GPC3: variants seen among roughly 807,000 people sequenced by gnomAD.
The protein encoded by GPC3 is glypican 3, also known as glypican-3.
GPC3 carries 3 observed loss-of-function variants against 34.4 expected under a neutral mutation model. The ratio of observed to expected loss-of-function variants is 0.09; its 90% CI spans 0.04 to 0.23. GPC3 has a LOEUF of 0.23. Among genes scored for constraint, GPC3 ranks in the 10% least tolerant of loss-of-function variants. The pLI is 1.00. For synonymous variants in GPC3, 177 were observed against 174.0 expected, an observed-to-expected ratio of 1.02 and a Z score of -0.13; for missense variants, 351 against 445.6, an observed-to-expected ratio of 0.79 and a Z score of 1.91.
At chrX:133,804,052 ACAAAT>A (rs1461287950) in intron 2 of GPC3, among the ~76,000 whole-genome samples, 3 of 110,602 alleles carry the variant, frequency 2.7e-5, no homozygotes, top group African/African-American at 9.9e-5. Context: ...TAATGGACAA[ACAAAT>A]CAAATCCAGA....
intron 5 of GPC3, among the ~76,000 whole-genome samples, chrX:133,686,167 C>A (rs969141904): frequency 1.8e-5 from 2 of 111,549 alleles, no homozygotes; most frequent in Non-Finnish European, 3.8e-5. Flanking sequence ...TGACTACAAA[C>A]AGAAGGCTGA....
At position 133,616,647 on chromosome X, in the gene GPC3, T is replaced by C. The variant is rs931328752; in HGVS notation, c.1414-20048A>G. Among the ~76,000 whole-genome samples the C allele has an allele frequency of 3.6e-5, 4 of 109,966 alleles. No individual in the cohort carries two copies. In the East Asian group the frequency reaches 1.1e-3, roughly 31 times the overall value. ...ATGTACTGTACTTAGTTCAGGGAGGTCTTGGAATAATGACAGATCAGTGGA... is the reference window on the plus strand; with the variant it reads ...ATGTACTGTACTTAGTTCAGGGAGGCCTTGGAATAATGACAGATCAGTGGA... On this transcript the variant is annotated intron_variant, in intron 6 of 7. Coordinates refer to ENST00000370818, the MANE Select transcript of GPC3 (RefSeq NM_004484.4).
At chrX:133,563,375 G>T (rs989988909) in intron 7 of GPC3, among the ~76,000 whole-genome samples, 1 of 111,294 alleles carries the variant, frequency 9.0e-6, no homozygotes, top group African/African-American at 3.3e-5. Flanking sequence ...GAGCTGTTTT[G>T]TTGAATTCAA....
chrX:133,691,045 C>A (rs757993826), intron 5 of GPC3, among the ~76,000 whole-genome samples: 3 of 111,847 alleles, frequency 2.7e-5, no homozygotes, highest in African/African-American at 9.7e-5. Flanking sequence ...GAAAGCTCTG[C>A]GAGGACAGGA....
intron 1 of GPC3, 138 bp downstream of exon 1, chrX:133,985,137 G>A (rs1029423047): frequency 1.1e-4 from 66 of 627,301 alleles, no homozygotes; most frequent in Middle Eastern, 4.9e-4. Flanking sequence ...CAGGCCCCAG[G>A]CACACCGACC....
intron 3 of GPC3, among the ~76,000 whole-genome samples, chrX:133,751,950 G>A (rs1226131693): frequency 1.1e-4 from 12 of 111,467 alleles, no homozygotes; most frequent in Non-Finnish European, 2.3e-4. Flanking sequence ...GTGCAGTCAC[G>A]TGATCATGGC....
chrX:133,902,583 C>T (rs995294108), intron 2 of GPC3, among the ~76,000 whole-genome samples: 6 of 111,128 alleles, frequency 5.4e-5, no homozygotes, highest in Non-Finnish European at 1.1e-4. Context: ...ACTAGCCAGG[C>T]GTGGTGGTGC....
intron 5 of GPC3, among the ~76,000 whole-genome samples, chrX:133,686,768 AACACACACAC>A (rs762283767): frequency 5.1e-5 from 5 of 98,035 alleles, no homozygotes; most frequent in African/African-American, 1.5e-4. Flanking sequence ...ATTTTACCTC[AACACACACAC>A]ACACACACAC....
chrX:133,936,209 T>TATAATAATA (rs58972441), intron 2 of GPC3, among the ~76,000 whole-genome samples: 61 of 99,447 alleles, frequency 6.1e-4, no homozygotes, highest in African/African-American at 1.9e-3. Context: ...AAACTTAAAG[T>TATAATAATA]ATAATAATAA....
At chrX:133,901,417 TTTA>T (rs748195431) in intron 2 of GPC3, among the ~76,000 whole-genome samples, 27 of 111,016 alleles carry the variant, frequency 2.4e-4, no homozygotes, top group Non-Finnish European at 1.1e-4. Flanking sequence ...GTCTCTGGAT[TTTA>T]TTATTATTAT....
In GPC3 at chrX:133,876,564, C is replaced by A. The variant is rs956228255; in HGVS notation, c.337+76486G>T. ...ATTCTCTAAGGCAAAGAGCAAGAGG[C>A]CTTTAGCAGAGTCCAGACAGGGCTC... On this transcript the variant is annotated intron_variant, in intron 2 of 7. Coordinates refer to ENST00000370818, the MANE Select transcript of GPC3 (RefSeq NM_004484.4). Among the ~76,000 whole-genome samples, 38 of 112,358 alleles carry A rather than the reference C, an allele frequency of 3.4e-4. 1 individual carries two copies. Among genetic ancestry groups the A allele is most frequent in the African/African-American group, 1.2e-3 (37 of 30,934 alleles).
intron 6 of GPC3, among the ~76,000 whole-genome samples, chrX:133,657,962 AT>A (rs2070682353): frequency 9.1e-6 from 1 of 110,090 alleles, no homozygotes; most frequent in South Asian, 4.0e-4. Context: ...ATTTATAAAT[AT>A]GTATGTTGGA....
At chrX:133,948,409 C>T (rs747089718) in intron 2 of GPC3, among the ~76,000 whole-genome samples, 1 of 110,530 alleles carries the variant, frequency 9.0e-6, no homozygotes, top group South Asian at 4.0e-4. Flanking sequence ...AGAGAAACAA[C>T]AGAAGAAGCA....
At chrX:133,794,501 G>A (rs918146745) in intron 2 of GPC3, among the ~76,000 whole-genome samples, 5 of 111,748 alleles carry the variant, frequency 4.5e-5, no homozygotes, top group Non-Finnish European at 7.5e-5. Context: ...AGCCTCAAAG[G>A]CACACATTTG....
At chrX:133,634,538 T>C (rs1053931264) in intron 6 of GPC3, among the ~76,000 whole-genome samples, 1 of 112,287 alleles carries the variant, frequency 8.9e-6, no homozygotes, top group Non-Finnish European at 1.9e-5. Flanking sequence ...ACAGCACAGA[T>C]TAACCTGAAA....
intron 7 of GPC3, among the ~76,000 whole-genome samples, chrX:133,585,262 C>G (rs758977092): frequency 8.9e-6 from 1 of 111,841 alleles, no homozygotes; most frequent in African/African-American, 3.3e-5. Context: ...ACAGCACATG[C>G]GTGCACATGT....
At chrX:133,983,846 G>A (rs1277499811) in intron 1 of GPC3, among the ~76,000 whole-genome samples, 1 of 111,967 alleles carries the variant, frequency 8.9e-6, no homozygotes, top group African/African-American at 3.2e-5. Flanking sequence ...CTTAACAGGG[G>A]ATGAGGTAGT....
intron 2 of GPC3, among the ~76,000 whole-genome samples, chrX:133,915,359 G>C (rs1368014772): frequency 1.8e-5 from 2 of 110,200 alleles, no homozygotes; most frequent in Non-Finnish European, 3.8e-5. Flanking sequence ...ATTCTTAGTA[G>C]AGACAGGGTT....
chrX:133,626,390 G>T (rs985808381), intron 6 of GPC3, among the ~76,000 whole-genome samples: 8 of 110,611 alleles, frequency 7.2e-5, no homozygotes, highest in African/African-American at 2.6e-4. Flanking sequence ...CTACAGAATG[G>T]GAGAAAATTT....
Sources: gnomAD v4.1 joint callset for allele counts (sites outside exome capture counted in the v4.1 genomes callset) on GRCh38, gnomAD v4.1.1 for gene constraint, MANE v1.5 for transcripts, NCBI Gene and HGNC (gene_info 2026-07-23, HGNC 2026-07-21) for gene names.